ANKRD33B: variants seen among roughly 807,000 people sequenced by gnomAD.
The protein encoded by ANKRD33B is ankyrin repeat domain-containing protein 33B.
Under a neutral mutation model 21.5 loss-of-function variants are expected in ANKRD33B, and 6 were observed. That is an observed-to-expected ratio of 0.28 (90% CI 0.15 to 0.55). The LOEUF is 0.55. ANKRD33B is among the 20% of genes least tolerant of loss of function. The pLI, the probability that ANKRD33B is intolerant of heterozygous loss-of-function variation, is 0.94. For missense variants in ANKRD33B, 698 were observed against 747.2 expected (o/e 0.93, Z 0.77); for synonymous variants, 347 against 342.4 (o/e 1.01, Z -0.15).
At chr5:10,612,514 C>T (rs1441504230) in intron 1 of ANKRD33B, among the ~76,000 whole-genome samples, 1 of 152,226 alleles carries the variant, frequency 6.6e-6, no homozygotes, top group Non-Finnish European at 1.5e-5. Context: ...GGGACACAAA[C>T]GTTCCGTCCA....
chr5:10,579,319 T>C (rs1579713426), intron 1 of ANKRD33B, among the ~76,000 whole-genome samples: 1 of 151,840 alleles, frequency 6.6e-6, no homozygotes, highest in East Asian at 1.9e-4. Flanking sequence ...CTATTTTTCC[T>C]ATCAATAACA....
intron 2 of ANKRD33B, among the ~76,000 whole-genome samples, chr5:10,626,434 C>G (rs957365717): frequency 2.1e-4 from 32 of 152,190 alleles, no homozygotes; most frequent in Admixed American, 1.8e-3. Context: ...TTCAGTATTT[C>G]CCTACTCAAA....
chr5:10,620,139 CAG>C (rs779654964), intron 2 of ANKRD33B, among the ~76,000 whole-genome samples: 20 of 151,958 alleles, frequency 1.3e-4, no homozygotes, highest in African/African-American at 7.3e-5. Flanking sequence ...TGAGTGGTGA[CAG>C]GGGTGAGAGG....
chr5:10,575,610 C>T (rs899953809), intron 1 of ANKRD33B, among the ~76,000 whole-genome samples: 1 of 152,152 alleles, frequency 6.6e-6, no homozygotes, highest in South Asian at 2.1e-4. Context: ...GCATGGCTAA[C>T]ACCATCTCCA....
chr5:10,609,132 T>A (rs1736112301), intron 1 of ANKRD33B, among the ~76,000 whole-genome samples: 1 of 152,232 alleles, frequency 6.6e-6, no homozygotes, highest in Non-Finnish European at 1.5e-5. Context: ...CCAAAAAAGG[T>A]AAAATAGCTC....
chr5:10,581,130 C>T (rs1735435281), intron 1 of ANKRD33B, among the ~76,000 whole-genome samples: 1 of 152,266 alleles, frequency 6.6e-6, no homozygotes, highest in Non-Finnish European at 1.5e-5. Flanking sequence ...ATGAAAGCAT[C>T]TGTGCCTGGG....
At chr5:10,602,904 C>T (rs1735962872) in intron 1 of ANKRD33B, among the ~76,000 whole-genome samples, 1 of 151,836 alleles carries the variant, frequency 6.6e-6, no homozygotes, top group Non-Finnish European at 1.5e-5. Flanking sequence ...ACTTGACCTC[C>T]CAAACTCAAG....
chr5:10,577,836 A>T (rs1240821725), intron 1 of ANKRD33B, among the ~76,000 whole-genome samples: 1 of 152,076 alleles, frequency 6.6e-6, no homozygotes, highest in Non-Finnish European at 1.5e-5. Context: ...GGTTCAGTTG[A>T]CCTCACTGGA....
At chr5:10,610,902 G>A (rs139691039) in intron 1 of ANKRD33B, among the ~76,000 whole-genome samples, 3,609 of 152,208 alleles carry the variant, frequency 0.024, 70 homozygotes, top group Middle Eastern at 0.037. Flanking sequence ...AAATTAGCTG[G>A]GTGTGGTGGC....
chr5:10,601,509 C>G (rs548608456), intron 1 of ANKRD33B, among the ~76,000 whole-genome samples: 1 of 152,344 alleles, frequency 6.6e-6, no homozygotes, highest in East Asian at 1.9e-4. Context: ...CATCTGTGCT[C>G]CCACCATCCT....
At chr5:10,636,568 G>T (rs1156602795) in intron 2 of ANKRD33B, among the ~76,000 whole-genome samples, 1 of 152,216 alleles carries the variant, frequency 6.6e-6, no homozygotes, top group East Asian at 1.9e-4. Flanking sequence ...AGTGAGCTAT[G>T]ATCGTGCTCC....
At chr5:10,632,203 G>A (rs1373392608) in intron 2 of ANKRD33B, among the ~76,000 whole-genome samples, 1 of 152,060 alleles carries the variant, frequency 6.6e-6, no homozygotes, top group African/African-American at 2.4e-5. Context: ...GGGGGCGATG[G>A]GGGAAAGCCG....
intron 3 of ANKRD33B, 48 bp from the exon 4 acceptor site, chr5:10,649,218 A>T: frequency 6.8e-7 from 1 of 1,480,946 alleles, no homozygotes; most frequent in Non-Finnish European, 9.0e-7. Flanking sequence ...GGGAGGGAAG[A>T]GTCCTTGTTG....
chr5:10,595,617 G>A (rs1560968134), intron 1 of ANKRD33B, among the ~76,000 whole-genome samples: 1 of 152,196 alleles, frequency 6.6e-6, no homozygotes, highest in Non-Finnish European at 1.5e-5. Flanking sequence ...GCAGTTACCT[G>A]AAGGAGTAAC....
intron 1 of ANKRD33B, among the ~76,000 whole-genome samples, chr5:10,582,180 G>T (rs919767963): frequency 1.3e-5 from 2 of 152,218 alleles, no homozygotes; most frequent in African/African-American, 2.4e-5. Flanking sequence ...TCACAGGCCT[G>T]TGCTTAAAAG....
In ANKRD33B at chr5:10,567,585, TC is replaced by T. The variant is rs1471631277; in HGVS notation, c.366+2755del. Among the ~76,000 whole-genome samples, 5 of 152,298 alleles carry T rather than the reference TC, an allele frequency of 3.3e-5. No individual in the cohort carries two copies. The East Asian group carries it at 9.6e-4, about 29-fold the overall frequency. On this transcript the variant is annotated intron_variant, in intron 1 of 3. Transcript: ENST00000296657. ...GCAGGCTCCTGGTTTAAGGGCACCT[TC>T]CCTGGGAGGCTTTTCTGTCTCCTCT...
intron 1 of ANKRD33B, among the ~76,000 whole-genome samples, chr5:10,588,981 T>A (rs912804495): frequency 1.3e-5 from 2 of 152,176 alleles, no homozygotes; most frequent in African/African-American, 4.8e-5. Context: ...CTTGTCATGC[T>A]TGACTAACAT....
chr5:10,632,349 A>G (rs1260175934), intron 2 of ANKRD33B, among the ~76,000 whole-genome samples: 2 of 152,108 alleles, frequency 1.3e-5, no homozygotes, highest in Admixed American at 1.3e-4. Context: ...GGGAAGAGTC[A>G]ACCGGGAAGC....
chr5:10,582,338 C>T (rs1004255456), intron 1 of ANKRD33B, among the ~76,000 whole-genome samples: 1 of 152,182 alleles, frequency 6.6e-6, no homozygotes, highest in African/African-American at 2.4e-5. Flanking sequence ...CCCGTGTTTA[C>T]AATCCTAGAG....
Sources: gnomAD v4.1 joint callset for allele counts (sites outside exome capture counted in the v4.1 genomes callset) on GRCh38, gnomAD v4.1.1 for gene constraint, MANE v1.5 for transcripts, NCBI Gene and HGNC (gene_info 2026-07-23, HGNC 2026-07-21) for gene names.